The following ATP2C2 variants were observed in gnomAD, a reference collection of about 807,000 sequenced individuals.
ATP2C2 encodes the protein ATPase secretory pathway Ca2+ transporting 2.
Under a neutral mutation model 110.8 loss-of-function variants are expected in ATP2C2, and 171 were observed. The observed-to-expected ratio is 1.54, with a 90% confidence interval of 1.36 to 1.75. ATP2C2 has a LOEUF of 1.75. Ranked by LOEUF, ATP2C2 falls within the 40% of genes most tolerant of loss-of-function variation. ATP2C2 has a pLI of 0.00. For missense variants in ATP2C2, 1,963 were observed against 1,235.0 expected, an observed-to-expected ratio of 1.59 and a Z score of -8.84; for synonymous variants, 804 against 508.4, an observed-to-expected ratio of 1.58 and a Z score of -7.82.
chr16:84,460,422 C>T (rs1392667602), intron 23 of ATP2C2: 6 of 611,040 alleles, frequency 9.8e-6, no homozygotes, highest in South Asian at 1.9e-5. Context: ...ACGGGGTGGT[C>T]TTCCTTCACT....
intron 24 of ATP2C2, 89 bp downstream of exon 24, chr16:84,460,890 A>C: frequency 6.8e-7 from 1 of 1,478,330 alleles, no homozygotes; most frequent in Non-Finnish European, 9.1e-7. Context: ...GCCACAGCTC[A>C]CATCTGGGAG....
intron 9 of ATP2C2, 90 bp from the exon 10 acceptor site, chr16:84,423,098 G>A: frequency 9.1e-7 from 1 of 1,104,586 alleles, no homozygotes; most frequent in East Asian, 2.4e-5. Flanking sequence ...CATCACTGAA[G>A]CTGTAGGATG....
chr16:84,370,165 G>A (rs1408188743), intron 1 of ATP2C2, among the ~76,000 whole-genome samples: 1 of 152,076 alleles, frequency 6.6e-6, no homozygotes, highest in Admixed American at 6.5e-5. Flanking sequence ...AACCTCAAGG[G>A]AGATGCTGGG....
chr16:84,384,103 G>C (rs1489366192), intron 1 of ATP2C2, among the ~76,000 whole-genome samples: 1 of 152,098 alleles, frequency 6.6e-6, no homozygotes, highest in Non-Finnish European at 1.5e-5. Context: ...TTCTTTAAGT[G>C]ACAGTCTTCA....
chr16:84,459,620 G>A (rs569427406), intron 23 of ATP2C2: 88 of 1,523,044 alleles, frequency 5.8e-5, no homozygotes, highest in Admixed American at 3.9e-5. Flanking sequence ...TGCTCCCTCT[G>A]CCTGGATGCT....
chr16:84,395,634 A>T (rs13336938), intron 1 of ATP2C2, among the ~76,000 whole-genome samples: 3 of 151,362 alleles, frequency 2.0e-5, no homozygotes, highest in Admixed American at 2.0e-4. Context: ...CTCAGCCTCC[A>T]GAGTCGCTGA....
At chr16:84,396,813 G>T (rs920232111) in intron 1 of ATP2C2, among the ~76,000 whole-genome samples, 2 of 151,938 alleles carry the variant, frequency 1.3e-5, no homozygotes, top group African/African-American at 4.9e-5. Flanking sequence ...GGCTCCCAAT[G>T]GATGGCTAAG....
intron 1 of ATP2C2, among the ~76,000 whole-genome samples, chr16:84,389,100 A>G (rs1378774713): frequency 6.6e-6 from 1 of 152,154 alleles, no homozygotes; most frequent in Non-Finnish European, 1.5e-5. Flanking sequence ...AGGATTCACT[A>G]GGCCCAGGGT....
At chr16:84,372,913 G>A (rs952642068) in intron 1 of ATP2C2, among the ~76,000 whole-genome samples, 1 of 151,442 alleles carries the variant, frequency 6.6e-6, no homozygotes, top group Middle Eastern at 3.4e-3. Flanking sequence ...TTGAGTTCAG[G>A]AGTTCAAGAC....
At chr16:84,453,490 C>A in intron 20 of ATP2C2, 119 bp downstream of exon 20, 1 of 1,370,066 alleles carries the variant, frequency 7.3e-7, no homozygotes, top group South Asian at 1.2e-5. Context: ...GCTTCCTTCT[C>A]TAGGTCCAGG....
Position 84,368,578 on chromosome 16 carries a change from G to T in ATP2C2, c.-38G>T, listed in dbSNP as rs762097924. ...GCGCAGCCATCCCGGGCCTCGCCGGGGACCTAGGGACGCAGGCAACGCCTG... is the reference window on the plus strand; with the variant it reads ...GCGCAGCCATCCCGGGCCTCGCCGGTGACCTAGGGACGCAGGCAACGCCTG... On this transcript the variant is annotated 5_prime_UTR_variant, in exon 1 of 27. Transcript: ENST00000262429. 3.4e-6 allele frequency: 5 copies of T among 1,482,424 alleles called. No individual in the cohort carries two copies. The South Asian group carries it at 4.8e-5, about 14-fold the overall frequency. The allele number at this position is 1,482,424 out of a possible 1,614,324, so 91.8% of individuals were successfully genotyped here. A position where few individuals can be genotyped will look rare whatever the true frequency, so the allele number is the denominator to read the frequency against.
At chr16:84,371,853 G>C (rs1179761466) in intron 1 of ATP2C2, among the ~76,000 whole-genome samples, 1 of 152,208 alleles carries the variant, frequency 6.6e-6, no homozygotes, top group Non-Finnish European at 1.5e-5. Context: ...TGTCAAGTGA[G>C]TGCTACCAGC....
At chr16:84,412,850 C>T (rs1038064123) in intron 6 of ATP2C2, among the ~76,000 whole-genome samples, 1 of 152,000 alleles carries the variant, frequency 6.6e-6, no homozygotes, top group African/African-American at 2.4e-5. Context: ...AATCCCAGCA[C>T]TTTGGGAGGC....
intron 11 of ATP2C2, among the ~76,000 whole-genome samples, chr16:84,438,582 G>A (rs573371397): frequency 2.0e-5 from 3 of 152,256 alleles, no homozygotes; most frequent in Admixed American, 2.0e-4. Flanking sequence ...GAGTGGGGTC[G>A]CACCGTACAG....
rs1907741450 is a variant in ATP2C2, at chr16:84,425,633, C to T, written c.920-102C>T. On this transcript the variant is annotated intron_variant, in intron 10 of 26. Transcript: ENST00000262429. ...TGAGGTTATCAGGCGTTCCTCTGTG[C>T]ATGCATTCCTGTAAACTCTTTAAGG... 4.7e-6 allele frequency: 6 copies of T among 1,288,262 alleles called. No homozygotes were observed. In the East Asian group the frequency reaches 7.0e-5, roughly 15 times the overall value. 79.8% of individuals were successfully genotyped at this position (1,288,262 alleles called of 1,614,324 possible). A position where few individuals can be genotyped will look rare whatever the true frequency, so the allele number is the denominator to read the frequency against.
At chr16:84,449,476 G>C (rs1164578589) in intron 17 of ATP2C2, among the ~76,000 whole-genome samples, 2 of 152,220 alleles carry the variant, frequency 1.3e-5, no homozygotes, top group Non-Finnish European at 2.9e-5. Flanking sequence ...TAAATACTGT[G>C]CCTCAGTTTC....
chr16:84,396,156 C>T (rs1287823714), intron 1 of ATP2C2, among the ~76,000 whole-genome samples: 1 of 152,110 alleles, frequency 6.6e-6, no homozygotes, highest in Non-Finnish European at 1.5e-5. Flanking sequence ...TGGGCAGTCA[C>T]ATTGAAGGTA....
At chr16:84,396,801 AG>A (rs1236976197) in intron 1 of ATP2C2, among the ~76,000 whole-genome samples, 2 of 151,866 alleles carry the variant, frequency 1.3e-5, no homozygotes, top group Non-Finnish European at 2.9e-5. Flanking sequence ...TGACTTAAGG[AG>A]GGCTCCCAAT....
At chr16:84,443,959 G>C (rs1473236643) in intron 15 of ATP2C2, among the ~76,000 whole-genome samples, 1 of 152,138 alleles carries the variant, frequency 6.6e-6, no homozygotes, top group Non-Finnish European at 1.5e-5. Flanking sequence ...TTGAGGCCAA[G>C]AGTTTGAGAC....
Sources: gnomAD v4.1 joint callset for allele counts (sites outside exome capture counted in the v4.1 genomes callset) on GRCh38, gnomAD v4.1.1 for gene constraint, MANE v1.5 for transcripts, NCBI Gene and HGNC (gene_info 2026-07-23, HGNC 2026-07-21) for gene names.